The following RBMS3 variants were observed in gnomAD, a reference collection of about 807,000 sequenced individuals.
RBMS3 encodes the protein RNA-binding motif, single-stranded-interacting protein 3.
RBMS3 carries 27 observed loss-of-function variants against 66.8 expected under a neutral mutation model. That is an observed-to-expected ratio of 0.40 (90% confidence interval 0.30 to 0.56). RBMS3 has a LOEUF of 0.56. RBMS3 is among the 20% of genes least tolerant of loss of function. The probability of loss-of-function intolerance (pLI) is 0.40; values close to 1 mark genes in which losing one functional copy is unlikely to be tolerated. For synonymous variants in RBMS3, 188 were observed against 183.0 expected, an observed-to-expected ratio of 1.03 and a Z score of -0.22; for missense variants, 513 against 549.5, an observed-to-expected ratio of 0.93 and a Z score of 0.66.
intron 6 of RBMS3, chr3:29,766,967 A>G (rs1176461426): frequency 2.0e-5 from 3 of 151,996 alleles, no homozygotes; most frequent in African/African-American, 7.2e-5. Flanking sequence ...CATGTCCTAC[A>G]TATCGATCTT....
chr3:29,605,932 C>T (rs2048306124), intron 4 of RBMS3, among the ~76,000 whole-genome samples: 1 of 151,142 alleles, frequency 6.6e-6, no homozygotes, highest in Middle Eastern at 3.4e-3. Context: ...TGCATTTTCC[C>T]CTCTTTCTGG....
intron 1 of RBMS3, among the ~76,000 whole-genome samples, chr3:29,323,714 AC>A (rs2035148607): frequency 6.6e-6 from 1 of 150,738 alleles, no homozygotes; most frequent in African/African-American, 2.4e-5. Flanking sequence ...ACACACACAC[AC>A]ACACACACAC....
chr3:29,359,905 T>G (rs1248035966), intron 1 of RBMS3, among the ~76,000 whole-genome samples: 4 of 152,186 alleles, frequency 2.6e-5, no homozygotes. Flanking sequence ...CCCTCTATCA[T>G]TTTTTCTTGC....
intron 4 of RBMS3, among the ~76,000 whole-genome samples, chr3:29,643,585 A>G (rs548146642): frequency 1.3e-5 from 2 of 152,216 alleles, no homozygotes; most frequent in Admixed American, 1.3e-4. Context: ...TTTCTTGTGC[A>G]GGGACAAATT....
At chr3:29,467,208 A>G (rs2042573530) in intron 2 of RBMS3, among the ~76,000 whole-genome samples, 1 of 152,154 alleles carries the variant, frequency 6.6e-6, no homozygotes, top group Non-Finnish European at 1.5e-5. Context: ...GCTATAGATT[A>G]TGTGAACCTG....
chr3:29,447,616 C>G (rs986010584), intron 2 of RBMS3, among the ~76,000 whole-genome samples: 1 of 152,138 alleles, frequency 6.6e-6, no homozygotes, highest in Non-Finnish European at 1.5e-5. Flanking sequence ...ACACAAAAAG[C>G]ACTTAAATGA....
intron 4 of RBMS3, among the ~76,000 whole-genome samples, chr3:29,698,835 T>C (rs1362667852): frequency 9.2e-5 from 14 of 152,208 alleles, no homozygotes; most frequent in Admixed American, 7.2e-4. Context: ...ATTTATATAA[T>C]TAATACTACC....
intron 8 of RBMS3, among the ~76,000 whole-genome samples, chr3:29,891,847 A>G (rs1224705555): frequency 6.6e-6 from 1 of 151,532 alleles, no homozygotes; most frequent in African/African-American, 2.4e-5. Context: ...AATGACCAAT[A>G]CCTTATTAAT....
intron 6 of RBMS3, among the ~76,000 whole-genome samples, chr3:29,783,575 A>T (rs1432149931): frequency 6.6e-6 from 1 of 152,148 alleles, no homozygotes; most frequent in Non-Finnish European, 1.5e-5. Context: ...CCCCTCAAAA[A>T]TACACCAAAA....
chr3:29,311,657 G>A (rs976543098), intron 1 of RBMS3, among the ~76,000 whole-genome samples: 2 of 151,908 alleles, frequency 1.3e-5, no homozygotes, highest in East Asian at 3.9e-4. Context: ...TAGGCTATTG[G>A]AAGCCACTAT....
At chr3:29,312,060 G>C (rs1401574400) in intron 1 of RBMS3, among the ~76,000 whole-genome samples, 2 of 151,756 alleles carry the variant, frequency 1.3e-5, no homozygotes, top group Non-Finnish European at 2.9e-5. Flanking sequence ...CTGCATGGTA[G>C]AGAGGCCTAA....
At chr3:29,757,981 T>G (rs776016081) in intron 5 of RBMS3, among the ~76,000 whole-genome samples, 3 of 152,200 alleles carry the variant, frequency 2.0e-5, no homozygotes, top group Non-Finnish European at 4.4e-5. Context: ...TAGACTTTGT[T>G]TGTTGGAGTA....
At chr3:29,407,263 C>T (rs2040063326) in intron 1 of RBMS3, among the ~76,000 whole-genome samples, 1 of 152,184 alleles carries the variant, frequency 6.6e-6, no homozygotes, top group South Asian at 2.1e-4. Context: ...AAGGTTGATA[C>T]TGGCCTTATT....
intron 5 of RBMS3, among the ~76,000 whole-genome samples, chr3:29,748,827 G>A (rs1402527008): frequency 6.6e-6 from 1 of 152,178 alleles, no homozygotes; most frequent in African/African-American, 2.4e-5. Context: ...CATAAGGAAG[G>A]TTCATTCCCA....
chr3:29,657,350 TCA>T (rs2050361135), intron 4 of RBMS3, among the ~76,000 whole-genome samples: 1 of 152,230 alleles, frequency 6.6e-6, no homozygotes, highest in Admixed American at 6.5e-5. Flanking sequence ...TAAATATATC[TCA>T]CACTATTTTG....
At chr3:29,318,735 T>C (rs935662100) in intron 1 of RBMS3, among the ~76,000 whole-genome samples, 17 of 151,884 alleles carry the variant, frequency 1.1e-4, no homozygotes, top group African/African-American at 4.1e-4. Flanking sequence ...GGGCCAGGTA[T>C]TGTGCTATGT....
chr3:29,732,005 C>A, intron 4 of RBMS3, among the ~76,000 whole-genome samples: 1 of 151,858 alleles, frequency 6.6e-6, no homozygotes, highest in East Asian at 1.9e-4. Context: ...CTCTTTTTCT[C>A]TCCCTCTCTC....
chr3:29,862,711 G>A (rs957535336), intron 6 of RBMS3, among the ~76,000 whole-genome samples: 1 of 152,018 alleles, frequency 6.6e-6, no homozygotes, highest in African/African-American at 2.4e-5. Flanking sequence ...AAGTGTGGCG[G>A]CGTGTGCCTA....
At chr3:29,871,379 G>GT (rs202094253) in intron 7 of RBMS3, among the ~76,000 whole-genome samples, 1,736 of 152,084 alleles carry the variant, frequency 0.011, 18 homozygotes, top group South Asian at 0.039. Flanking sequence ...TTAAGGGAGG[G>GT]TTTTTTGTTT....
Sources: gnomAD v4.1 joint callset for allele counts (sites outside exome capture counted in the v4.1 genomes callset) on GRCh38, gnomAD v4.1.1 for gene constraint, MANE v1.5 for transcripts, NCBI Gene and HGNC (gene_info 2026-07-23, HGNC 2026-07-21) for gene names.